RET: variants seen among roughly 807,000 people sequenced by gnomAD.
The protein encoded by RET is ret proto-oncogene.
RET carries 19 observed loss-of-function variants against 118.3 expected under a neutral mutation model. The ratio of observed to expected loss-of-function variants is 0.16; its 90% CI spans 0.11 to 0.24. The LOEUF is 0.24. Among genes scored for constraint, RET ranks in the 10% least tolerant of loss-of-function variants. RET has a pLI of 1.00. For synonymous variants in RET, 597 were observed against 644.1 expected (o/e 0.93, Z 1.11); for missense variants, 1,219 against 1,502.1 (o/e 0.81, Z 3.12).
In RET at chr10:43,119,566, G is replaced by A. The variant is rs764784013; in HGVS notation, c.2428G>A (p.Gly810Ser). 4 of 1,609,376 alleles carry A rather than the reference G, an allele frequency of 2.5e-6. No homozygotes were observed. The highest frequency in any genetic ancestry group is 1.1e-5 in the South Asian group (1 of 90,840). Residue 810 changes from glycine to serine, a missense_variant, in exon 14 of 20, where the codon GGC becomes AGC. Around this residue, in one of 5 missense-constraint regions of RET, gnomAD observed 850 missense variants for 969.6 expected, o/e 0.88. Transcript: ENST00000355710. ...LLLIVEYAKY[G>S]SLRGFLRESR... ...CCTCATCGTGGAGTACGCCAAATAC[G>A]GCTCCCTGCGGGGCTTCCTCCGCGA...
rs1328732116 is a variant in RET, at chr10:43,112,857, C to T, written c.1653C>T (p.Ile551=). The change falls in exon 9 of 20, where the codon ATC becomes ATT. Residue 551 remains isoleucine (I), a synonymous_variant. Coordinates refer to ENST00000355710, the MANE Select transcript of RET (RefSeq NM_020975.6). Reference sequence around the variant, plus strand: ...CCTGCTGTGTGTCCTGTGCAGGGATCACCAGGAACTTCTCCACCTGCTCTC... The same window carrying T: ...CCTGCTGTGTGTCCTGTGCAGGGATTACCAGGAACTTCTCCACCTGCTCTC... ...CEWRQGDGKG[I]TRNFSTCSPS... The T allele has an allele frequency of 1.2e-6, 2 of 1,613,326 alleles. No homozygotes were observed. Among genetic ancestry groups the T allele is most frequent in the South Asian group, 2.2e-5 (2 of 91,046 alleles).
rs746512075 is a variant in RET at position 43,111,366 on chromosome 10, C to A, written c.1423C>A (p.Arg475=). The A allele has an allele frequency of 1.2e-6, 2 of 1,614,058 alleles. No individual in the cohort carries two copies. The highest frequency in any genetic ancestry group is 1.7e-6 in the Non-Finnish European group (2 of 1,180,026). ...TGTGAATGACACCAAGGCCCTGCGG[C>A]GGCCCAAGTGTGCCGAACTTCACTA... is the stretch of plus-strand genomic sequence containing the variant. ...LFVNDTKALR[R]PKCAELHYMV... Residue 475 remains arginine (R), a synonymous_variant, in exon 7 of 20, where the codon CGG becomes AGG. Coordinates refer to ENST00000355710, the MANE Select transcript of RET (RefSeq NM_020975.6).
At chr10:43,100,369 T>C (rs1837609771) in intron 1 of RET, 90 bp from the exon 2 acceptor site, 2 of 1,475,232 alleles carry the variant, frequency 1.4e-6, no homozygotes, top group South Asian at 1.2e-5. Flanking sequence ...CCTGCTAAGA[T>C]CGGAATTTTA....
intron 1 of RET, among the ~76,000 whole-genome samples, chr10:43,079,668 G>A (rs1837135049): frequency 6.6e-6 from 1 of 152,122 alleles, no homozygotes; most frequent in Non-Finnish European, 1.5e-5. Context: ...AGCAAGGAAG[G>A]ACATTCCCTC....
chr10:43,093,440 T>C, intron 1 of RET, among the ~76,000 whole-genome samples: 1 of 150,992 alleles, frequency 6.6e-6, no homozygotes, highest in South Asian at 2.1e-4. Context: ...CAATTTGGGG[T>C]GAGGAGGGGC....
chr10:43,109,777 A>C (rs1327789106), intron 6 of RET, among the ~76,000 whole-genome samples: 1 of 143,978 alleles, frequency 6.9e-6, no homozygotes, highest in Non-Finnish European at 1.6e-5. Context: ...AATAGAAGGC[A>C]TAAAAGTAAT....
At chr10:43,084,232 A>G (rs1423798463) in intron 1 of RET, among the ~76,000 whole-genome samples, 3 of 152,232 alleles carry the variant, frequency 2.0e-5, no homozygotes, top group African/African-American at 2.4e-5. Context: ...TTTTGGGTAC[A>G]TACCTGGACA....
chr10:43,112,796 TG>T, intron 8 of RET, 56 bp from the exon 9 acceptor site: 6 of 1,373,120 alleles, frequency 4.4e-6, no homozygotes, highest in Non-Finnish European at 6.2e-6. Context: ...TAGGAGGTGG[TG>T]GGGGCGTGTG....
At position 43,106,242 on chromosome 10, in the gene RET, G is replaced by T. The variant is rs1358167080; in HGVS notation, c.868-134G>T. The T allele has an allele frequency of 5.4e-6, 5 of 919,550 alleles. No homozygotes were observed. The highest frequency in any genetic ancestry group is 4.0e-5 in the Admixed American group (2 of 50,254). The allele number at this position is 919,550 out of a possible 1,614,324, so 57.0% of individuals were successfully genotyped here. On this transcript the variant is annotated intron_variant, in intron 4 of 19. Coordinates refer to ENST00000355710, the MANE Select transcript of RET (RefSeq NM_020975.6). The surrounding 1 kb of genome is among the most constrained non-coding windows in gnomAD (Gnocchi z 5.1). Reference sequence around the variant, plus strand: ...TTGAACCCAGGTCAGACTGTCCCCAGACCTGGCTCTGACAACACACATCTG... The same window carrying T: ...TTGAACCCAGGTCAGACTGTCCCCATACCTGGCTCTGACAACACACATCTG...
intron 1 of RET, among the ~76,000 whole-genome samples, chr10:43,088,287 G>C (rs1187967731): frequency 6.8e-6 from 1 of 147,332 alleles, no homozygotes; most frequent in Non-Finnish European, 1.5e-5. Context: ...TGATGGTGAA[G>C]GTGGTGGTGG....
At chr10:43,117,215 T>C (rs1370495756) in intron 12 of RET, among the ~76,000 whole-genome samples, 4 of 152,226 alleles carry the variant, frequency 2.6e-5, no homozygotes, top group Admixed American at 2.0e-4. Flanking sequence ...AGTAGCCCCC[T>C]CTTCTGTGGC....
intron 11 of RET, among the ~76,000 whole-genome samples, chr10:43,115,430 C>T (rs1020335648): frequency 4.6e-5 from 7 of 152,226 alleles, no homozygotes; most frequent in Admixed American, 4.6e-4. Flanking sequence ...CTGGAGCCTC[C>T]GTTCAGGCAA....
chr10:43,114,542 G>A lies in RET; in HGVS notation c.1942G>A (p.Val648Ile), dbSNP rs77711105. 154 of 1,610,388 alleles carry A rather than the reference G, an allele frequency of 9.6e-5. No homozygotes were observed. The Middle Eastern group carries it at 1.3e-3, about 14-fold the overall frequency. The stretch of plus-strand genomic sequence containing the variant: ...AGCCGCTGTCCTCTTCTCCTTCATC[G>A]TCTCGGTGCTGCTGTCTGCCTTCTG... ...IAAAVLFSFI[V>I]SVLLSAFCIH... is the part of the protein sequence containing the mutation. Residue 648 changes from valine to isoleucine, a missense_variant, in exon 11 of 20, where the codon GTC becomes ATC. By Grantham distance (29) the Val-to-Ile change is conservative. Around this residue, in one of 5 missense-constraint regions of RET, gnomAD observed 850 missense variants for 969.6 expected, o/e 0.88. Transcript: ENST00000355710. This position sits in a 1 kb window ranked among gnomAD's most constrained non-coding sequence, Gnocchi z 4.6.
At chr10:43,090,898 G>A (rs1257794111) in intron 1 of RET, among the ~76,000 whole-genome samples, 1 of 150,566 alleles carries the variant, frequency 6.6e-6, no homozygotes, top group African/African-American at 2.4e-5. Flanking sequence ...GCCAGTCAGG[G>A]CGCTCTCGTG....
At chr10:43,112,334 T>C in intron 8 of RET, 110 bp downstream of exon 8, 2 of 1,471,636 alleles carry the variant, frequency 1.4e-6, no homozygotes, top group Non-Finnish European at 1.8e-6. Flanking sequence ...CAGGTCTGCT[T>C]CTGGCACCTC....
Position 43,077,171 on chromosome 10 carries a change from G to C in RET, c.-88G>C. The C allele has an allele frequency of 7.4e-7, 1 of 1,351,438 alleles. No homozygotes were observed. The highest frequency in any genetic ancestry group is 9.5e-7 in the Non-Finnish European group (1 of 1,052,568). 83.7% of individuals were successfully genotyped at this position (1,351,438 alleles called of 1,614,324 possible). A position where few individuals can be genotyped will look rare whatever the true frequency, so the allele number is the denominator to read the frequency against. ...TCCGCCGCGCCCCGGGCGGGGATGGGGCGGCCAGACTGAGCGCCGCACCCG... is the reference window on the plus strand; with the variant it reads ...TCCGCCGCGCCCCGGGCGGGGATGGCGCGGCCAGACTGAGCGCCGCACCCG... On this transcript the variant is annotated 5_prime_UTR_variant, in exon 1 of 20. Transcript: ENST00000355710.
Position 43,077,301 on chromosome 10 carries a change from T to C in RET, c.43T>C (p.Leu15=), listed in dbSNP as rs1418746925. ...CGGTGCCGCGGGGCTGCGTCTGCTG[T>C]TGCTGCTGCTGCTGCCGCTGCTAGG... The part of the protein sequence containing the change: ...TSGAAGLRLL[L]LLLLPLLGKV... Residue 15 remains leucine, a synonymous_variant, in exon 1 of 20, where the codon TTG becomes CTG. Coordinates refer to ENST00000355710, the MANE Select transcript of RET (RefSeq NM_020975.6). 2 of 1,511,646 alleles carry C rather than the reference T, an allele frequency of 1.3e-6. No individual in the cohort carries two copies. The highest frequency in any genetic ancestry group is 2.8e-5 in the African/African-American group (2 of 70,232). The allele number at this position is 1,511,646 out of a possible 1,614,324, so 93.6% of individuals were successfully genotyped here.
Position 43,077,148 on chromosome 10 carries a change from C to T in RET, c.-111C>T. The T allele has an allele frequency of 7.7e-7, 1 of 1,301,224 alleles. No individual in the cohort carries two copies. Among genetic ancestry groups the T allele is most frequent in the Non-Finnish European group, 9.7e-7 (1 of 1,025,664 alleles). The allele number at this position is 1,301,224 out of a possible 1,614,324, so 80.6% of individuals were successfully genotyped here. A position where few individuals can be genotyped will look rare whatever the true frequency, so the allele number is the denominator to read the frequency against. ...TCGCGCCCCCAGTGTCCGTCGCGTC[C>T]GCCGCGCCCCGGGCGGGGATGGGGC... On this transcript the variant is annotated 5_prime_UTR_variant, in exon 1 of 20. Transcript: ENST00000355710.
intron 15 of RET, among the ~76,000 whole-genome samples, chr10:43,121,371 C>T (rs1370525542): frequency 2.6e-5 from 4 of 152,140 alleles, no homozygotes; most frequent in African/African-American, 9.7e-5. Context: ...AGCTGTTTCT[C>T]AAGTCACCCT....
Sources: allele counts gnomAD v4.1 joint callset (sites outside exome capture counted in the v4.1 genomes callset), GRCh38; gene constraint gnomAD v4.1.1; regional missense constraint gnomAD v4.1.1; non-coding constraint Gnocchi (gnomAD v3.1); transcripts MANE v1.5; gene names NCBI Gene and HGNC (gene_info 2026-07-23, HGNC 2026-07-21).